The following KHDRBS2 variants were observed in gnomAD, a reference collection of about 807,000 sequenced individuals.
KHDRBS2 encodes KH RNA binding domain containing, signal transduction associated 2.
In KHDRBS2, 26 loss-of-function variants were observed where a neutral mutation model predicts 44.3. The observed-to-expected ratio is 0.59, with a 90% confidence interval of 0.43 to 0.81. The LOEUF (loss-of-function observed/expected upper bound fraction) is 0.81, where lower values mean the gene tolerates loss of function less well. Ranked by LOEUF, KHDRBS2 falls within the 40% of genes least tolerant of loss-of-function variation. KHDRBS2 has a pLI of 0.00. For synonymous variants in KHDRBS2, 194 were observed against 151.1 expected, an observed-to-expected ratio of 1.28 and a Z score of -2.08; for missense variants, 476 against 433.1, an observed-to-expected ratio of 1.10 and a Z score of -0.88.
intron 2 of KHDRBS2, among the ~76,000 whole-genome samples, chr6:62,052,334 G>C (rs1789252629): frequency 6.6e-6 from 1 of 151,848 alleles, no homozygotes; most frequent in Non-Finnish European, 1.5e-5. Context: ...CAATGTGGAG[G>C]AGCTTGGAGG....
chr6:61,960,094 C>CA (rs5876766), intron 4 of KHDRBS2, among the ~76,000 whole-genome samples: 132,417 of 152,050 alleles, frequency 0.87, 58,161 homozygotes, highest in African/African-American at 0.97. Flanking sequence ...ACTTTTCAGG[C>CA]CCTTGCTTGG....
At chr6:61,739,226 G>T (rs1165873344) in intron 6 of KHDRBS2, among the ~76,000 whole-genome samples, 4 of 151,808 alleles carry the variant, frequency 2.6e-5, no homozygotes, top group African/African-American at 9.7e-5. Context: ...TCACAGCACA[G>T]ATAAATGCTT....
At chr6:62,227,206 G>T (rs542710035) in intron 1 of KHDRBS2, among the ~76,000 whole-genome samples, 2 of 152,056 alleles carry the variant, frequency 1.3e-5, no homozygotes, top group African/African-American at 2.4e-5. Flanking sequence ...CTTGAGAAGC[G>T]GTTTGTAGTT....
intron 3 of KHDRBS2, among the ~76,000 whole-genome samples, chr6:61,989,605 A>G (rs568324516): frequency 6.6e-6 from 1 of 152,286 alleles, no homozygotes; most frequent in African/African-American, 2.4e-5. Context: ...CTCTTAGTAG[A>G]TTGCCTGTGA....
At chr6:62,127,838 T>C (rs1809333379) in intron 2 of KHDRBS2, among the ~76,000 whole-genome samples, 1 of 152,182 alleles carries the variant, frequency 6.6e-6, no homozygotes, top group African/African-American at 2.4e-5. Context: ...CTGTAAAGTC[T>C]CTCATTCAGT....
intron 2 of KHDRBS2, among the ~76,000 whole-genome samples, chr6:62,132,186 T>C (rs1810485300): frequency 6.6e-6 from 1 of 152,224 alleles, no homozygotes; most frequent in South Asian, 2.1e-4. Context: ...AGATTTTCAT[T>C]GATTTGATGA....
At chr6:62,091,374 G>A (rs1274459557) in intron 2 of KHDRBS2, among the ~76,000 whole-genome samples, 1 of 151,960 alleles carries the variant, frequency 6.6e-6, no homozygotes. Context: ...TAATTACTCT[G>A]TTGCTATTCA....
At chr6:61,557,636 G>C in the KHDRBS2 span, among the ~76,000 whole-genome samples, 131,134 of 152,142 alleles carry the variant, frequency 0.86, 57,083 homozygotes, top group African/African-American at 0.97. Flanking sequence ...CAGGATAATA[G>C]TAGTAGCCTC....
At chr6:62,277,546 G>A (rs1453407567) in intron 1 of KHDRBS2, among the ~76,000 whole-genome samples, 2 of 152,074 alleles carry the variant, frequency 1.3e-5, no homozygotes, top group East Asian at 1.9e-4. Context: ...GTTTCACCGT[G>A]TTAGGCAGGA....
chr6:62,229,062 A>G (rs548008427), intron 1 of KHDRBS2, among the ~76,000 whole-genome samples: 2 of 152,230 alleles, frequency 1.3e-5, no homozygotes, highest in African/African-American at 4.8e-5. Flanking sequence ...TCGGGGGGAA[A>G]CACAATCATC....
chr6:61,910,050 G>T (rs1004612308), intron 4 of KHDRBS2, among the ~76,000 whole-genome samples: 1 of 152,198 alleles, frequency 6.6e-6, no homozygotes. Flanking sequence ...ATGACAAAGA[G>T]AACTGGAATT....
chr6:62,254,805 T>C (rs1005960227), intron 1 of KHDRBS2, among the ~76,000 whole-genome samples: 1 of 152,032 alleles, frequency 6.6e-6, no homozygotes, highest in Admixed American at 6.6e-5. Context: ...CAATATGCTC[T>C]AACTTCTGAA....
intron 4 of KHDRBS2, among the ~76,000 whole-genome samples, chr6:61,975,242 G>A (rs548044400): frequency 1.3e-5 from 2 of 152,220 alleles, no homozygotes; most frequent in East Asian, 3.9e-4. Context: ...GTCCTACCAT[G>A]GAAAATTAAT....
chr6:61,628,226 TTTTTTTTTTTTTTTTC>T, the KHDRBS2 span, among the ~76,000 whole-genome samples: 4 of 87,570 alleles, frequency 4.6e-5, no homozygotes, highest in Non-Finnish European at 7.1e-5. Context: ...TTTTTTTTTT[TTTTTTTTTTTTTTTTC>T]AACCTGGGCT....
the KHDRBS2 span, among the ~76,000 whole-genome samples, chr6:61,593,678 A>T: frequency 6.6e-6 from 1 of 152,084 alleles, no homozygotes; most frequent in Non-Finnish European, 1.5e-5. Context: ...GAACTTTTTC[A>T]TAAGGACTTT....
At chr6:61,566,353 T>C in the KHDRBS2 span, among the ~76,000 whole-genome samples, 1 of 152,126 alleles carries the variant, frequency 6.6e-6, no homozygotes, top group East Asian at 1.9e-4. Flanking sequence ...TAGTTAACAA[T>C]AATGCATAAT....
chr6:61,885,043 CTG>C (rs1800746512), intron 6 of KHDRBS2, among the ~76,000 whole-genome samples: 1 of 151,978 alleles, frequency 6.6e-6, no homozygotes, highest in South Asian at 2.1e-4. Context: ...TAACAAACAA[CTG>C]TAAATTTTCT....
At chr6:62,213,349 G>GA (rs943753280) in intron 1 of KHDRBS2, among the ~76,000 whole-genome samples, 139 of 149,692 alleles carry the variant, frequency 9.3e-4, no homozygotes, top group African/African-American at 2.2e-3. Context: ...CGCAGAATAT[G>GA]AAAAAAAAAA....
intron 1 of KHDRBS2, among the ~76,000 whole-genome samples, chr6:62,196,278 T>G (rs1563042939): frequency 2.6e-5 from 4 of 152,148 alleles, no homozygotes; most frequent in Admixed American, 2.0e-4. Flanking sequence ...ATAAAATAAA[T>G]TCTATACTTC....
Sources: allele counts gnomAD v4.1 joint callset (sites outside exome capture counted in the v4.1 genomes callset), GRCh38; gene constraint gnomAD v4.1.1; transcripts MANE v1.5; gene names NCBI Gene and HGNC (gene_info 2026-07-23, HGNC 2026-07-21).